IL3RA: variants seen among roughly 807,000 people sequenced by gnomAD.
IL3RA encodes interleukin 3 receptor subunit alpha.
In IL3RA, 73 loss-of-function variants were observed where a neutral mutation model predicts 52.3. That is an observed-to-expected ratio of 1.40 (90% confidence interval 1.16 to 1.70). The LOEUF (loss-of-function observed/expected upper bound fraction) is 1.70. Ranked by LOEUF, IL3RA falls within the 40% of genes most tolerant of loss-of-function variation. The pLI, the probability that IL3RA is intolerant of heterozygous loss-of-function variation, is 0.00. For synonymous variants in IL3RA, 260 were observed against 194.0 expected (o/e 1.34, Z -2.83); for missense variants, 664 against 504.4 (o/e 1.32, Z -3.03).
At chrX:1,349,798 G>A (rs1157824692) in intron 4 of IL3RA, among the ~76,000 whole-genome samples, 11 of 151,916 alleles carry the variant, frequency 7.2e-5, no homozygotes, top group Non-Finnish European at 1.6e-4. Flanking sequence ...AAGTAGCTGG[G>A]ATTACAGGCA....
Position 1,361,623 on chromosome X carries a change from G to T in IL3RA, c.759+2736G>T, listed in dbSNP as rs774454224. Among the ~76,000 whole-genome samples, 286 of 151,810 alleles carry T rather than the reference G, an allele frequency of 1.9e-3. No homozygotes were observed. In the East Asian group the frequency reaches 0.028, roughly 15 times the overall value. On this transcript the variant is annotated intron_variant, in intron 8 of 11. Coordinates refer to ENST00000331035, the MANE Select transcript of IL3RA (RefSeq NM_002183.4). Reference sequence around the variant, plus strand: ...AAATTACCCAGACGTGGTGGTGGCAGGCGCCTGTGGTCCCAGCTACTCGGG... The same window carrying T: ...AAATTACCCAGACGTGGTGGTGGCATGCGCCTGTGGTCCCAGCTACTCGGG...
chrX:1,381,024 T>C lies in IL3RA; in HGVS notation c.982T>C (p.Tyr328His). ...TGGGCCATTTCTCTTTCCTCCGAGG[T>C]ATCTGGTGATGCAGAGACTCTTTCC... ...LVCVFVICRR[Y>H]LVMQRLFPRI... The change falls in exon 11 of 12, where the codon TAT becomes CAT. Residue 328 changes from tyrosine (Y) to histidine (H), a missense_variant and splice_region_variant. Physicochemically the swap from Tyr to His is moderately conservative, Grantham distance 83. Transcript: ENST00000331035. The C allele has an allele frequency of 6.2e-7, 1 of 1,613,744 alleles. No homozygotes were observed. The highest frequency in any genetic ancestry group is 1.1e-5 in the South Asian group (1 of 91,066).
chrX:1,348,384 T>C lies in IL3RA; in HGVS notation c.184-47T>C, dbSNP rs148880667. On this transcript the variant is annotated intron_variant, in intron 3 of 11. Coordinates refer to ENST00000331035, the MANE Select transcript of IL3RA (RefSeq NM_002183.4). ...AAATCTGAACATCATTAGCGTCAAA[T>C]TAAGCATGGTCTGTCAGCAGCCATC... 7.0e-4 allele frequency: 1,000 copies of C among 1,426,652 alleles called. 6 individuals are homozygous for C. In the African/African-American group the frequency reaches 0.013, roughly 18 times the overall value. 88.4% of individuals were successfully genotyped at this position (1,426,652 alleles called of 1,614,324 possible). A position where few individuals can be genotyped will look rare whatever the true frequency, so the allele number is the denominator to read the frequency against.
At chrX:1,362,494 ATC>A (rs2087524480) in intron 8 of IL3RA, among the ~76,000 whole-genome samples, 1 of 119,082 alleles carries the variant, frequency 8.4e-6, no homozygotes. Context: ...ATCACCCACT[ATC>A]TCTGTCTATG....
chrX:1,339,946 C>T (rs1427283746), intron 1 of IL3RA, among the ~76,000 whole-genome samples: 1 of 152,040 alleles, frequency 6.6e-6, no homozygotes, highest in East Asian at 1.9e-4. Flanking sequence ...ACTGCAGCCA[C>T]TTAGGAATTT....
intron 8 of IL3RA, among the ~76,000 whole-genome samples, chrX:1,359,479 TTCTCTC>T (rs1192378594): frequency 6.7e-6 from 1 of 149,228 alleles, no homozygotes; most frequent in Non-Finnish European, 1.5e-5. Context: ...CTCCCTCTCT[TTCTCTC>T]TCTCTCGTCT....
intron 6 of IL3RA, among the ~76,000 whole-genome samples, chrX:1,353,976 A>C (rs56067004): frequency 0.46 from 15,580 of 34,120 alleles, 4,375 homozygotes; most frequent in African/African-American, 0.65. Flanking sequence ...TGGGACCCCC[A>C]CCCCCATCAT....
intron 2 of IL3RA, among the ~76,000 whole-genome samples, chrX:1,343,836 C>T (rs1416475367): frequency 4.8e-5 from 7 of 144,918 alleles, no homozygotes; most frequent in African/African-American, 1.3e-4. Flanking sequence ...CGCTCTGTTA[C>T]CCAGGCTGGA....
chrX:1,377,148 G>A (rs1270584685), intron 9 of IL3RA, among the ~76,000 whole-genome samples: 1 of 152,200 alleles, frequency 6.6e-6, no homozygotes, highest in Non-Finnish European at 1.5e-5. Flanking sequence ...GGCCTCAGGA[G>A]GAACCAGCCC....
At chrX:1,365,412 G>C (rs1359435693) in intron 9 of IL3RA, among the ~76,000 whole-genome samples, 160 bp downstream of exon 9, 4 of 67,524 alleles carry the variant, frequency 5.9e-5, no homozygotes, top group African/African-American at 8.3e-5. Context: ...CGGGGTGAGC[G>C]GGGTGAGCGG....
intron 9 of IL3RA, among the ~76,000 whole-genome samples, chrX:1,370,842 G>A (rs1299540382): frequency 4.2e-5 from 3 of 71,094 alleles, no homozygotes; most frequent in African/African-American, 2.5e-4. Context: ...CCCAGGAGAG[G>A]GGCCTCAGGA....
At chrX:1,368,723 G>T (rs754028521) in intron 9 of IL3RA, among the ~76,000 whole-genome samples, 47 of 150,746 alleles carry the variant, frequency 3.1e-4, no homozygotes, top group South Asian at 2.5e-3. Flanking sequence ...GGGAGAAGAC[G>T]GCGTCTCCAA....
chrX:1,354,587 A>G (rs1467934666), intron 6 of IL3RA, among the ~76,000 whole-genome samples: 1 of 108,388 alleles, frequency 9.2e-6, no homozygotes, highest in Non-Finnish European at 1.8e-5. Context: ...AAGAAAACGG[A>G]GAAAGAGGAG....
intron 8 of IL3RA, among the ~76,000 whole-genome samples, chrX:1,360,857 GTC>G (rs1283474886): frequency 7.2e-6 from 1 of 139,382 alleles, no homozygotes; most frequent in Non-Finnish European, 1.6e-5. Context: ...CTCTCTCCCT[GTC>G]TCTCTCTCCC....
chrX:1,361,137 CTCTGTCTCTCTCTCCCTTTCCTTCTCTG>C, intron 8 of IL3RA, among the ~76,000 whole-genome samples: 1 of 136,000 alleles, frequency 7.4e-6, no homozygotes. Context: ...CCCTTCCCCT[CTCTGTCTCTCTCTCCCTTTCCTTCTCTG>C]TCTCTCTCTC....
intron 8 of IL3RA, among the ~76,000 whole-genome samples, chrX:1,359,615 TCTCA>T (rs2087015802): frequency 6.7e-6 from 1 of 148,210 alleles, no homozygotes; most frequent in African/African-American, 2.5e-5. Context: ...TCCCTCCCTC[TCTCA>T]TTCTCCTTCC....
intron 8 of IL3RA, among the ~76,000 whole-genome samples, chrX:1,364,390 C>T (rs1260205866): frequency 1.3e-5 from 2 of 151,946 alleles, no homozygotes; most frequent in African/African-American, 2.4e-5. Context: ...ACTCGGGAGG[C>T]TGAGGCAGGA....
chrX:1,365,066 C>T (rs2087812420), intron 8 of IL3RA, 72 bp from the exon 9 acceptor site: 1 of 1,121,248 alleles, frequency 8.9e-7, no homozygotes. Flanking sequence ...GCCTTGGCCT[C>T]CCTAAGTGCC....
chrX:1,353,263 T>C (rs7892234), intron 6 of IL3RA, among the ~76,000 whole-genome samples: 2,864 of 132,826 alleles, frequency 0.022, 204 homozygotes, highest in African/African-American at 0.069. Context: ...ATGGGATCCC[T>C]TATCATGGAT....
Sources: allele counts gnomAD v4.1 joint callset (sites outside exome capture counted in the v4.1 genomes callset), GRCh38; gene constraint gnomAD v4.1.1; transcripts MANE v1.5; gene names NCBI Gene and HGNC (gene_info 2026-07-23, HGNC 2026-07-21).